The following LRRC37A2 variants were observed in gnomAD, a reference collection of about 807,000 sequenced individuals.
LRRC37A2 encodes the protein leucine-rich repeat-containing protein 37A2.
A neutral mutation model predicts 68.8 loss-of-function variants in LRRC37A2; 9 were observed. The ratio of observed to expected loss-of-function variants is 0.13; its 90% confidence interval spans 0.08 to 0.23. The LOEUF is 0.23. Among genes scored for constraint, LRRC37A2 ranks in the 10% least tolerant of loss-of-function variants. The probability of loss-of-function intolerance (pLI) is 1.00; values close to 1 mark genes in which losing one functional copy is unlikely to be tolerated. For synonymous variants in LRRC37A2, 63 were observed against 367.6 expected (o/e 0.17, Z 9.48); for missense variants, 168 against 950.4 (o/e 0.18, Z 10.82).
At chr17:46,952,291 T>C in the LRRC37A2 span, among the ~76,000 whole-genome samples, 2 of 152,210 alleles carry the variant, frequency 1.3e-5, no homozygotes, top group African/African-American at 2.4e-5. Context: ...GCCTGGTCCA[T>C]GCAGGACTGG....
the LRRC37A2 span, among the ~76,000 whole-genome samples, chr17:46,676,238 T>TG: frequency 2.0e-5 from 3 of 149,190 alleles, no homozygotes; most frequent in Admixed American, 2.0e-4. Flanking sequence ...TTCTTCTTTT[T>TG]TTTTTTTTTT....
chr17:46,775,594 C>A, the LRRC37A2 span, among the ~76,000 whole-genome samples: 3 of 150,124 alleles, frequency 2.0e-5, no homozygotes, highest in Admixed American at 6.6e-5. Context: ...GAGAAAGAAG[C>A]AGCAGCCAGA....
the LRRC37A2 span, among the ~76,000 whole-genome samples, chr17:46,822,038 T>TGG: frequency 5.9e-5 from 9 of 151,858 alleles, no homozygotes; most frequent in African/African-American, 2.2e-4. Flanking sequence ...CGGACCAACC[T>TGG]GGGGGGGTAA....
At chr17:46,873,856 G>A in the LRRC37A2 span, among the ~76,000 whole-genome samples, 1 of 152,048 alleles carries the variant, frequency 6.6e-6, no homozygotes, top group Admixed American at 6.6e-5. Context: ...TGGCATGGTG[G>A]CAGGAGCCTG....
At chr17:46,839,909 CTCTT>C in the LRRC37A2 span, among the ~76,000 whole-genome samples, 3 of 141,054 alleles carry the variant, frequency 2.1e-5, no homozygotes, top group Non-Finnish European at 3.1e-5. Flanking sequence ...GCCACATTTT[CTCTT>C]TTCTTTCTTT....
chr17:46,768,288 C>A, the LRRC37A2 span: 5 of 1,612,228 alleles, frequency 3.1e-6, no homozygotes, highest in Non-Finnish European at 4.2e-6. This position sits in a 1 kb window ranked among gnomAD's most constrained non-coding sequence, Gnocchi z 5.0. Context: ...CTCCCAGCCT[C>A]CCCCCTGCTT....
At chr17:46,974,437 C>T in the LRRC37A2 span, among the ~76,000 whole-genome samples, 1 of 152,270 alleles carries the variant, frequency 6.6e-6, no homozygotes, top group African/African-American at 2.4e-5. Context: ...TTGTGGGGAG[C>T]AAAGGAGGTC....
At chr17:46,934,894 T>C in the LRRC37A2 span, 1 of 773,512 alleles carries the variant, frequency 1.3e-6, no homozygotes, top group East Asian at 2.5e-5. Context: ...CTTTTTCTTA[T>C]CCATTAGGGT....
the LRRC37A2 span, among the ~76,000 whole-genome samples, chr17:46,500,970 A>G: frequency 2.0e-5 from 3 of 151,178 alleles, no homozygotes; most frequent in African/African-American, 4.9e-5. Flanking sequence ...ACCTGAGGTG[A>G]GGAGTTTGAG....
chr17:46,801,929 C>A, the LRRC37A2 span, among the ~76,000 whole-genome samples: 80 of 152,300 alleles, frequency 5.3e-4, no homozygotes, highest in African/African-American at 1.9e-3. Flanking sequence ...AGCATTGAGA[C>A]CACTCAACGA....
the LRRC37A2 span, among the ~76,000 whole-genome samples, chr17:47,016,059 TTTGG>T: frequency 6.6e-6 from 1 of 152,136 alleles, no homozygotes; most frequent in African/African-American, 2.4e-5. Context: ...ATTCTCCTGC[TTTGG>T]CCTCCTGAGT....
At chr17:46,997,638 T>C in the LRRC37A2 span, among the ~76,000 whole-genome samples, 7 of 152,124 alleles carry the variant, frequency 4.6e-5, no homozygotes, top group South Asian at 6.2e-4. Context: ...ATCCAGACCG[T>C]GGGTAATATC....
the LRRC37A2 span, among the ~76,000 whole-genome samples, chr17:46,840,823 T>A: frequency 6.6e-6 from 1 of 152,252 alleles, no homozygotes. Context: ...TCTGTTCATA[T>A]CCTTTGCCCA....
At chr17:46,755,602 A>C in the LRRC37A2 span, 1 of 700,048 alleles carries the variant, frequency 1.4e-6, no homozygotes, top group Admixed American at 2.9e-5. Context: ...TTAATGGTAC[A>C]TATTTATTGG....
chr17:46,767,131 C>T, the LRRC37A2 span, among the ~76,000 whole-genome samples: 1 of 152,078 alleles, frequency 6.6e-6, no homozygotes, highest in Non-Finnish European at 1.5e-5. Flanking sequence ...CCCGGGGGTC[C>T]AGGACCACTC....
At chr17:46,903,195 C>T in the LRRC37A2 span, among the ~76,000 whole-genome samples, 10 of 151,892 alleles carry the variant, frequency 6.6e-5, no homozygotes, top group African/African-American at 7.3e-5. Context: ...GCAGGGGAAT[C>T]GCTTGAACCC....
the LRRC37A2 span, chr17:46,964,713 G>A: frequency 0.44 from 66,247 of 152,162 alleles, 14,926 homozygotes; most frequent in East Asian, 0.55. Flanking sequence ...GGAGCTGACA[G>A]CCTACTTCCT....
At chr17:47,030,063 AAATAATAATAAT>A in the LRRC37A2 span, among the ~76,000 whole-genome samples, 18 of 75,334 alleles carry the variant, frequency 2.4e-4, no homozygotes, top group Non-Finnish European at 3.2e-4. Flanking sequence ...ACTCTGTCTC[AAATAATAATAAT>A]AATAATAATA....
At chr17:46,943,605 G>A in the LRRC37A2 span, among the ~76,000 whole-genome samples, 3 of 152,200 alleles carry the variant, frequency 2.0e-5, no homozygotes, top group Non-Finnish European at 2.9e-5. Context: ...TGTGCATCCC[G>A]GGCACGTAGT....
Sources: allele counts gnomAD v4.1 joint callset (sites outside exome capture counted in the v4.1 genomes callset), GRCh38; gene constraint gnomAD v4.1.1; non-coding constraint Gnocchi (gnomAD v3.1); transcripts MANE v1.5; gene names NCBI Gene and HGNC (gene_info 2026-07-23, HGNC 2026-07-21).